GIPC2: variants seen among roughly 807,000 people sequenced by gnomAD.
The protein encoded by GIPC2 is PDZ domain-containing protein GIPC2.
A neutral mutation model predicts 30.6 loss-of-function variants in GIPC2; 30 were observed. That is an observed-to-expected ratio of 0.98 (90% CI 0.73 to 1.33). GIPC2 has a LOEUF of 1.33. Among genes scored for constraint, GIPC2 ranks in the 40% most tolerant of loss-of-function variants. GIPC2 has a pLI of 0.00. For synonymous variants in GIPC2, 167 were observed against 150.0 expected, an observed-to-expected ratio of 1.11 and a Z score of -0.83; for missense variants, 414 against 390.3, an observed-to-expected ratio of 1.06 and a Z score of -0.51.
intron 1 of GIPC2, among the ~76,000 whole-genome samples, chr1:78,074,001 C>T (rs1320237038): frequency 6.6e-6 from 1 of 152,098 alleles, no homozygotes; most frequent in Admixed American, 6.5e-5. Flanking sequence ...AGCAAGAAAA[C>T]TGTCTGCAAG....
At position 78,046,026 on chromosome 1, in the gene GIPC2, G is replaced by C; in HGVS notation, c.-69G>C. ...ACCTGCGCGGGGCCCGGGGCGCAAA[G>C]TCCGAGGCGCCGGGGGGAGGAGGCG... is the stretch of plus-strand genomic sequence containing the variant. On this transcript the variant is annotated 5_prime_UTR_variant, in exon 1 of 6. Transcript: ENST00000370759. 7.1e-7 allele frequency: 1 copy of C among 1,399,074 alleles called. No individual in the cohort carries two copies. Among genetic ancestry groups the C allele is most frequent in the Non-Finnish European group, 9.3e-7 (1 of 1,079,262 alleles). The allele number at this position is 1,399,074 out of a possible 1,614,324, so 86.7% of individuals were successfully genotyped here. A position where few individuals can be genotyped will look rare whatever the true frequency, so the allele number is the denominator to read the frequency against.
chr1:78,084,365 T>G (rs941060267), intron 2 of GIPC2, among the ~76,000 whole-genome samples: 4 of 151,866 alleles, frequency 2.6e-5, no homozygotes, highest in Non-Finnish European at 4.4e-5. Flanking sequence ...AATGCAAAAA[T>G]TAGCTGGGTG....
In GIPC2 at chr1:78,046,027, T is replaced by C. The variant is rs1661060407; in HGVS notation, c.-68T>C. 2 of 1,398,628 alleles carry C rather than the reference T, an allele frequency of 1.4e-6. No individual in the cohort carries two copies. The highest frequency in any genetic ancestry group is 3.0e-5 in the East Asian group (1 of 33,170). 86.6% of individuals were successfully genotyped at this position (1,398,628 alleles called of 1,614,324 possible). ...CCTGCGCGGGGCCCGGGGCGCAAAG[T>C]CCGAGGCGCCGGGGGGAGGAGGCGG... On this transcript the variant is annotated 5_prime_UTR_variant, in exon 1 of 6. Coordinates refer to ENST00000370759, the MANE Select transcript of GIPC2 (RefSeq NM_017655.6).
At chr1:78,121,816 T>A (rs952602124) in intron 4 of GIPC2, among the ~76,000 whole-genome samples, 2 of 152,172 alleles carry the variant, frequency 1.3e-5, no homozygotes, top group Non-Finnish European at 2.9e-5. Flanking sequence ...TAAGTGTTTA[T>A]TGAATGAATA....
At chr1:78,062,533 G>T (rs1233903596) in intron 1 of GIPC2, among the ~76,000 whole-genome samples, 3 of 149,870 alleles carry the variant, frequency 2.0e-5, no homozygotes, top group Non-Finnish European at 4.4e-5. Context: ...TTTGAGAGGG[G>T]GTCTCAGTCT....
rs568903869 is a variant in GIPC2 at position 78,078,525 on chromosome 1, C to A, written c.241-2150C>A. ...AAAAAGAAACTAATGCCCTGCTTGC[C>A]AACTTTTGGCTGTCTAGAATGGAAT... On this transcript the variant is annotated intron_variant, in intron 1 of 5. Coordinates refer to ENST00000370759, the MANE Select transcript of GIPC2 (RefSeq NM_017655.6). Among the ~76,000 whole-genome samples, 301 of 152,248 alleles carry A rather than the reference C, an allele frequency of 2.0e-3. 1 individual carries two copies. The highest frequency in any genetic ancestry group is 3.5e-3 in the Non-Finnish European group (238 of 68,026).
chr1:78,105,471 A>G (rs1387725418), intron 3 of GIPC2, among the ~76,000 whole-genome samples: 2 of 152,040 alleles, frequency 1.3e-5, no homozygotes, highest in African/African-American at 2.4e-5. Context: ...TATTTTTAGT[A>G]GAGACGGGGT....
At chr1:78,045,436 G>A (rs1301514121), upstream of GIPC2, 2 of 351,984 alleles carry the variant, frequency 5.7e-6, no homozygotes, top group Non-Finnish European at 8.0e-6. Flanking sequence ...GGGCAGAGCT[G>A]GGGCAAATGG....
chr1:78,103,264 ATG>A (rs569869621), intron 3 of GIPC2, among the ~76,000 whole-genome samples: 112 of 152,340 alleles, frequency 7.4e-4, no homozygotes, highest in African/African-American at 2.4e-3. Flanking sequence ...CATTTGTTGA[ATG>A]AAATATAGTA....
At chr1:78,100,403 C>A (rs992163870) in intron 3 of GIPC2, among the ~76,000 whole-genome samples, 6 of 151,956 alleles carry the variant, frequency 3.9e-5, no homozygotes, top group African/African-American at 1.5e-4. Flanking sequence ...TACCTGCACA[C>A]CACTGAATAA....
chr1:78,090,206 AT>A (rs1662011352), intron 2 of GIPC2, among the ~76,000 whole-genome samples: 2 of 152,066 alleles, frequency 1.3e-5, no homozygotes, highest in Admixed American at 1.3e-4. Flanking sequence ...TTACTTACTT[AT>A]TTATTGAGAC....
chr1:78,077,091 G>C (rs748382244), intron 1 of GIPC2, among the ~76,000 whole-genome samples: 42 of 152,056 alleles, frequency 2.8e-4, no homozygotes, highest in Non-Finnish European at 5.4e-4. Flanking sequence ...AAAGACATGA[G>C]ATTCTAAAGC....
chr1:78,067,055 A>G (rs971364366), intron 1 of GIPC2, among the ~76,000 whole-genome samples: 1 of 152,234 alleles, frequency 6.6e-6, no homozygotes, highest in Non-Finnish European at 1.5e-5. Flanking sequence ...AAAATTGAGT[A>G]GCGATTTTAG....
intron 2 of GIPC2, among the ~76,000 whole-genome samples, chr1:78,085,457 G>A (rs1465601344): frequency 6.6e-6 from 1 of 152,078 alleles, no homozygotes; most frequent in Non-Finnish European, 1.5e-5. Context: ...ATGAATTGGG[G>A]AGGAGTCCCT....
At chr1:78,128,936 T>C (rs1662836919) in intron 5 of GIPC2, among the ~76,000 whole-genome samples, 1 of 151,620 alleles carries the variant, frequency 6.6e-6, no homozygotes. Flanking sequence ...GTCCAAGAGT[T>C]TGAAGCTGCA....
chr1:78,118,545 A>T (rs1217720653), intron 3 of GIPC2, among the ~76,000 whole-genome samples: 1 of 152,172 alleles, frequency 6.6e-6, no homozygotes, highest in African/African-American at 2.4e-5. Context: ...GCAGGATAAG[A>T]CACAACAGAA....
chr1:78,131,550 A>G (rs1235785637), intron 5 of GIPC2, among the ~76,000 whole-genome samples: 2 of 152,206 alleles, frequency 1.3e-5, no homozygotes, highest in African/African-American at 2.4e-5. Flanking sequence ...TAATTTTATT[A>G]TAATCAACAG....
Position 78,076,837 on chromosome 1 carries a change from C to T in GIPC2, c.241-3838C>T, listed in dbSNP as rs184143034. Reference sequence around the variant, plus strand: ...AGGCTGAGGTGCAGTGGTGCAATCTCGGCTCACTGTAACCTCTGCCTCCTG... The same window carrying T: ...AGGCTGAGGTGCAGTGGTGCAATCTTGGCTCACTGTAACCTCTGCCTCCTG... On this transcript the variant is annotated intron_variant, in intron 1 of 5. Transcript: ENST00000370759. 9.9e-5 allele frequency among the ~76,000 whole-genome samples: 15 copies of T among 152,228 alleles called. No homozygotes were observed. The East Asian group carries it at 2.3e-3, about 24-fold the overall frequency.
intron 3 of GIPC2, among the ~76,000 whole-genome samples, chr1:78,100,028 G>A (rs1389758050): frequency 6.6e-6 from 1 of 152,194 alleles, no homozygotes; most frequent in Non-Finnish European, 1.5e-5. Flanking sequence ...AGGCAGAGGG[G>A]TAACATGGTG....
Sources: allele counts gnomAD v4.1 joint callset (sites outside exome capture counted in the v4.1 genomes callset), GRCh38; gene constraint gnomAD v4.1.1; transcripts MANE v1.5; gene names NCBI Gene and HGNC (gene_info 2026-07-23, HGNC 2026-07-21).